SCHIP1: variants seen among roughly 807,000 people sequenced by gnomAD.
SCHIP1 encodes schwannomin interacting protein 1, also known as schwannomin-interacting protein 1.
A neutral mutation model predicts 29.7 loss-of-function variants in SCHIP1; 8 were observed. That is an observed-to-expected ratio of 0.27 (90% confidence interval 0.16 to 0.49). The LOEUF is 0.49. Among genes scored for constraint, SCHIP1 ranks in the 20% least tolerant of loss-of-function variants. The pLI, the probability that SCHIP1 is intolerant of heterozygous loss-of-function variation, is 0.99. For synonymous variants in SCHIP1, 76 were observed against 94.9 expected (o/e 0.80, Z 1.16); for missense variants, 193 against 294.6 (o/e 0.66, Z 2.52).
the SCHIP1 span, among the ~76,000 whole-genome samples, chr3:159,339,911 C>T: frequency 3.3e-5 from 5 of 151,808 alleles, no homozygotes; most frequent in South Asian, 2.1e-4. Flanking sequence ...AGGTGCAAAA[C>T]GTCTAAGATA....
the SCHIP1 span, among the ~76,000 whole-genome samples, chr3:159,501,485 A>G: frequency 6.6e-6 from 1 of 152,224 alleles, no homozygotes; most frequent in Non-Finnish European, 1.5e-5. Context: ...CAGGATAACC[A>G]GATAAACAGT....
At chr3:159,467,299 T>C in the SCHIP1 span, among the ~76,000 whole-genome samples, 1 of 152,152 alleles carries the variant, frequency 6.6e-6, no homozygotes. Context: ...TTCCAGTTTT[T>C]TTCTATTAGG....
At chr3:159,734,623 A>G in the SCHIP1 span, among the ~76,000 whole-genome samples, 6 of 152,102 alleles carry the variant, frequency 3.9e-5, no homozygotes, top group Admixed American at 3.3e-4. Context: ...GATCTGAGTT[A>G]AATTTCTAGT....
chr3:159,841,138 A>C (rs993046157), intron 1 of SCHIP1, among the ~76,000 whole-genome samples: 1 of 152,200 alleles, frequency 6.6e-6, no homozygotes, highest in African/African-American at 2.4e-5. Context: ...GAGGTCGGTT[A>C]CCTGAGACAA....
the SCHIP1 span, among the ~76,000 whole-genome samples, chr3:159,406,245 TACA>T: frequency 1.3e-5 from 2 of 151,884 alleles, no homozygotes; most frequent in Admixed American, 1.3e-4. Flanking sequence ...ACGAATAACA[TACA>T]ACGAGCTCCA....
At chr3:159,785,579 G>GT in the SCHIP1 span, among the ~76,000 whole-genome samples, 10,797 of 138,868 alleles carry the variant, frequency 0.078, 460 homozygotes, top group South Asian at 0.21. Flanking sequence ...AGTTTTGTTG[G>GT]TTTTTTTTTT....
the SCHIP1 span, among the ~76,000 whole-genome samples, chr3:159,341,370 G>A: frequency 3.9e-5 from 6 of 152,068 alleles, no homozygotes; most frequent in African/African-American, 7.2e-5. Context: ...TTGACTTTGG[G>A]CAAATACCTT....
the SCHIP1 span, among the ~76,000 whole-genome samples, chr3:159,694,602 A>G: frequency 1.5e-5 from 2 of 137,214 alleles, no homozygotes; most frequent in African/African-American, 2.9e-5. Flanking sequence ...GAAAGAAAGA[A>G]AGAAAGGAAT....
At chr3:159,624,965 G>C in the SCHIP1 span, among the ~76,000 whole-genome samples, 6 of 152,166 alleles carry the variant, frequency 3.9e-5, no homozygotes, top group Non-Finnish European at 8.8e-5. Flanking sequence ...ACTTGAACCA[G>C]CATTATATAT....
At chr3:159,395,494 T>C in the SCHIP1 span, among the ~76,000 whole-genome samples, 92,263 of 147,896 alleles carry the variant, frequency 0.62, 29,389 homozygotes, top group East Asian at 0.74. Flanking sequence ...GCTTTGAATG[T>C]GTCCCAGAGA....
chr3:159,641,188 C>G, the SCHIP1 span, among the ~76,000 whole-genome samples: 1 of 152,086 alleles, frequency 6.6e-6, no homozygotes, highest in Non-Finnish European at 1.5e-5. Context: ...AAATGAAGTT[C>G]TTGTTTGGGT....
chr3:159,361,067 C>A, the SCHIP1 span, among the ~76,000 whole-genome samples: 1 of 152,210 alleles, frequency 6.6e-6, no homozygotes, highest in Middle Eastern at 3.4e-3. Context: ...CAGAACAGAC[C>A]AAAACGGACC....
the SCHIP1 span, among the ~76,000 whole-genome samples, chr3:159,361,769 T>C: frequency 6.6e-6 from 1 of 152,194 alleles, no homozygotes; most frequent in East Asian, 1.9e-4. Flanking sequence ...TTCAGCATGA[T>C]TCTCCAAGAG....
chr3:159,564,329 C>T, the SCHIP1 span, among the ~76,000 whole-genome samples: 3 of 152,158 alleles, frequency 2.0e-5, no homozygotes, highest in East Asian at 1.9e-4. Context: ...TCTCCCCATG[C>T]TCCATTTTGG....
chr3:159,819,134 C>T, the SCHIP1 span, among the ~76,000 whole-genome samples: 1 of 152,206 alleles, frequency 6.6e-6, no homozygotes, highest in African/African-American at 2.4e-5. Context: ...CCCTCAATTC[C>T]TCACCACGTG....
the SCHIP1 span, among the ~76,000 whole-genome samples, chr3:159,725,596 A>G: frequency 1.3e-5 from 2 of 152,178 alleles, no homozygotes; most frequent in Non-Finnish European, 2.9e-5. Flanking sequence ...AGGATTGGAA[A>G]CAAGACTTCA....
At chr3:159,431,018 C>T in the SCHIP1 span, among the ~76,000 whole-genome samples, 2 of 152,068 alleles carry the variant, frequency 1.3e-5, no homozygotes, top group African/African-American at 4.8e-5. Flanking sequence ...ACCTTAGGAC[C>T]AGGACCTTCA....
chr3:159,498,784 T>C, the SCHIP1 span, among the ~76,000 whole-genome samples: 5 of 152,212 alleles, frequency 3.3e-5, no homozygotes, highest in African/African-American at 9.7e-5. Context: ...AAGTAAATTA[T>C]GGTATAAACA....
At chr3:159,330,637 C>T in the SCHIP1 span, among the ~76,000 whole-genome samples, 1 of 152,116 alleles carries the variant, frequency 6.6e-6, no homozygotes. Context: ...AATGCCCTGA[C>T]AGGTCATAAA....
Sources: allele counts gnomAD v4.1 joint callset (sites outside exome capture counted in the v4.1 genomes callset), GRCh38; gene constraint gnomAD v4.1.1; transcripts MANE v1.5; gene names NCBI Gene and HGNC (gene_info 2026-07-23, HGNC 2026-07-21).